The following E2F1 variants were observed in gnomAD, a reference collection of about 807,000 sequenced individuals.
E2F1 encodes E2F transcription factor 1.
A neutral mutation model predicts 36.9 loss-of-function variants in E2F1; 7 were observed. The observed-to-expected ratio is 0.19, with a 90% CI of 0.11 to 0.36. The LOEUF (loss-of-function observed/expected upper bound fraction) is 0.36. Among genes scored for constraint, E2F1 ranks in the 10% least tolerant of loss-of-function variants. E2F1 has a pLI of 1.00. For synonymous variants in E2F1, 261 were observed against 263.1 expected, an observed-to-expected ratio of 0.99 and a Z score of 0.08; for missense variants, 406 against 573.6, an observed-to-expected ratio of 0.71 and a Z score of 2.99.
At position 33,676,815 on chromosome 20, in the gene E2F1, AGTC is replaced by A; in HGVS notation, c.1228_1230del (p.Asp410del). ...TCGCCCTCCTCGAGGCCGAAGTGGT[AGTC>A]GAGGGCCTCGTGGGGTGGGGAAAGG... is the stretch of plus-strand genomic sequence containing the variant. On this transcript the variant is annotated inframe_deletion, in exon 7 of 7. Coordinates refer to ENST00000343380, the MANE Select transcript of E2F1 (RefSeq NM_005225.3). 1.2e-6 allele frequency: 2 copies of A among 1,600,424 alleles called. No individual in the cohort carries two copies. The highest frequency in any genetic ancestry group is 1.7e-6 in the Non-Finnish European group (2 of 1,172,990).
Position 33,686,284 on chromosome 20 carries a change from G to T in E2F1, c.-20C>A, listed in dbSNP as rs984840553. On this transcript the variant is annotated 5_prime_UTR_variant, in exon 1 of 7. Coordinates refer to ENST00000343380, the MANE Select transcript of E2F1 (RefSeq NM_005225.3). ...GGCCATGACGCTCACGGCCCGCGCG[G>T]CCCGGGTGACAGGCGGCGGCGGCGG... 4.0e-6 allele frequency: 4 copies of T among 1,001,462 alleles called. No homozygotes were observed. In the African/African-American group the frequency reaches 7.0e-5, roughly 17 times the overall value. The allele number at this position is 1,001,462 out of a possible 1,614,324, so 62.0% of individuals were successfully genotyped here.
Position 33,677,408 on chromosome 20 carries a change from G to A in E2F1, c.840+18C>T, listed in dbSNP as rs371744736. 9.2e-5 allele frequency: 149 copies of A among 1,612,964 alleles called. No homozygotes were observed. Among genetic ancestry groups the A allele is most frequent in the South Asian group, 7.6e-4 (69 of 90,958 alleles). On this transcript the variant is annotated intron_variant, in intron 5 of 6. Transcript: ENST00000343380. ...AGCCCAGCCCAGCCCAGTTGGGCCC[G>A]GAGTTCCCAGATCTCACCTCCGAAG...
At chr20:33,677,374 C>T (rs374753083) in intron 5 of E2F1, 44 bp from the exon 6 acceptor site, 306 of 1,609,980 alleles carry the variant, frequency 1.9e-4, no homozygotes, top group Non-Finnish European at 2.6e-4. Flanking sequence ...CCCAGGTGAC[C>T]ACCAGCCCAG....
At position 33,676,453 on chromosome 20, in the gene E2F1, G is replaced by T. The variant is rs149816386; in HGVS notation, c.*279C>A. On this transcript the variant is annotated 3_prime_UTR_variant, in exon 7 of 7. Coordinates refer to ENST00000343380, the MANE Select transcript of E2F1 (RefSeq NM_005225.3). Reference sequence around the variant, plus strand: ...AGGTGTATGTTCACCTTCATTCCCCGGTACATGCACACACACATGCTCACA... The same window carrying T: ...AGGTGTATGTTCACCTTCATTCCCCTGTACATGCACACACACATGCTCACA... 2.5e-6 allele frequency: 1 copy of T among 393,548 alleles called. No homozygotes were observed. The highest frequency in any genetic ancestry group is 4.2e-5 in the Admixed American group (1 of 23,556). The allele number at this position is 393,548 out of a possible 1,614,324, so 24.4% of individuals were successfully genotyped here. A position where few individuals can be genotyped will look rare whatever the true frequency, so the allele number is the denominator to read the frequency against.
chr20:33,684,790 G>C (rs1292718139), intron 1 of E2F1, among the ~76,000 whole-genome samples: 1 of 152,036 alleles, frequency 6.6e-6, no homozygotes, highest in Non-Finnish European at 1.5e-5. Context: ...GATGCCTCAG[G>C]GACCAGCTGC....
At position 33,675,712 on chromosome 20, in the gene E2F1, A is replaced by G. The variant is rs1247387880; in HGVS notation, c.*1020T>C. The G allele has an allele frequency of 6.2e-6, 1 of 161,094 alleles. No homozygotes were observed. Among genetic ancestry groups the G allele is most frequent in the East Asian group, 1.7e-4 (1 of 6,046 alleles). The allele number at this position is 161,094 out of a possible 1,614,324, so 10.0% of individuals were successfully genotyped here. A position where few individuals can be genotyped will look rare whatever the true frequency, so the allele number is the denominator to read the frequency against. ...TCATCAAAATATTTATTAAAACCAA[A>G]GCAGGAGGGAACAGAGCTGTTAGGA... On this transcript the variant is annotated 3_prime_UTR_variant, in exon 7 of 7. Transcript: ENST00000343380.
chr20:33,684,780 G>T (rs1220982470), intron 1 of E2F1, among the ~76,000 whole-genome samples: 1 of 152,106 alleles, frequency 6.6e-6, no homozygotes, highest in Non-Finnish European at 1.5e-5. Context: ...GCCTCCTCAG[G>T]ATGCCTCAGG....
Position 33,676,744 on chromosome 20 carries a change from G to A in E2F1, c.1302C>T (p.Pro434=), listed in dbSNP as rs368965201. The part of the protein sequence containing the change: ...LFDCDFGDLT[P]LDF ...CCTCCAAGCCCTGTCAGAAATCCAG[G>A]GGGGTGAGGTCCCCAAAGTCACAGT... The change falls in exon 7 of 7, where the codon CCC becomes CCT. Residue 434 remains proline (P), a synonymous_variant. Coordinates refer to ENST00000343380, the MANE Select transcript of E2F1 (RefSeq NM_005225.3). The A allele has an allele frequency of 6.8e-6, 11 of 1,608,998 alleles. No homozygotes were observed. Among genetic ancestry groups the A allele is most frequent in the Non-Finnish European group, 8.5e-6 (10 of 1,177,752 alleles).
chr20:33,679,922 G>A lies in E2F1; in HGVS notation c.405C>T (p.Thr135=), dbSNP rs753403393. 6.2e-6 allele frequency: 10 copies of A among 1,614,258 alleles called. No individual in the cohort carries two copies. Among genetic ancestry groups the A allele is most frequent in the Non-Finnish European group, 8.5e-6 (10 of 1,180,042 alleles). ...KSRYETSLNL[T]TKRFLELLSH... ...TCAGCAGCTCCAGGAAGCGCTTGGT[G>A]GTCAGATTCAGTGAGGTCTCATAGC... is the stretch of plus-strand genomic sequence containing the variant. The change falls in exon 3 of 7, where the codon ACC becomes ACT. Residue 135 remains threonine, a synonymous_variant. Transcript: ENST00000343380. This position sits in a 1 kb window ranked among gnomAD's most constrained non-coding sequence, Gnocchi z 4.6.
At chr20:33,678,406 C>T (rs987188011) in intron 3 of E2F1, 53 bp from the exon 4 acceptor site, 18 of 1,600,314 alleles carry the variant, frequency 1.1e-5, no homozygotes, top group Non-Finnish European at 1.3e-5. Flanking sequence ...CCCCTCTGGC[C>T]AGGAGCCCTG....
intron 1 of E2F1, 140 bp downstream of exon 1, chr20:33,685,864 G>A (rs974084108): frequency 1.2e-6 from 1 of 841,654 alleles, no homozygotes; most frequent in Admixed American, 5.6e-5. Flanking sequence ...GCCCAACCCC[G>A]GCTCTGCACC....
Position 33,677,255 on chromosome 20 carries a change from T to C in E2F1, c.916A>G (p.Ile306Val). The change falls in exon 6 of 7, where the codon ATC becomes GTC. Residue 306 changes from isoleucine to valine, a missense_variant. Physicochemically the swap from Ile to Val is conservative, Grantham distance 29. Around this residue, in one of 5 missense-constraint regions of E2F1, gnomAD observed 163 missense variants for 181.5 expected, o/e 0.90. Coordinates refer to ENST00000343380, the MANE Select transcript of E2F1 (RefSeq NM_005225.3). ...TGGGATGGGGTCTTCCCAGGGCTGA[T>C]CCCACCTACGGTCTCCTCAGGGCAC... Reference protein sequence around the residue: ...FLCPEETVGGISPGKTPSQEV... With the variant: ...FLCPEETVGGVSPGKTPSQEV... 1 of 1,614,082 alleles carries C rather than the reference T, an allele frequency of 6.2e-7. No individual in the cohort carries two copies. The highest frequency in any genetic ancestry group is 8.5e-7 in the Non-Finnish European group (1 of 1,179,990).
chr20:33,683,761 G>C (rs1321488768), intron 1 of E2F1, among the ~76,000 whole-genome samples: 2 of 151,772 alleles, frequency 1.3e-5, no homozygotes, highest in Non-Finnish European at 2.9e-5. Context: ...AACAGAATGA[G>C]ACCCTGTCTC....
intron 1 of E2F1, among the ~76,000 whole-genome samples, chr20:33,680,833 A>G (rs2018010550): frequency 1.3e-5 from 2 of 152,152 alleles, no homozygotes; most frequent in South Asian, 2.1e-4. Flanking sequence ...TTACTCTGCC[A>G]TATCATATGG....
chr20:33,678,429 G>A lies in E2F1; in HGVS notation c.573-76C>T, dbSNP rs2017986375. 5 of 1,560,776 alleles carry A rather than the reference G, an allele frequency of 3.2e-6. No individual in the cohort carries two copies. In the African/African-American group the frequency reaches 5.4e-5, roughly 17 times the overall value. On this transcript the variant is annotated intron_variant, in intron 3 of 6. Transcript: ENST00000343380. ...GCCAGGAGCCCTGGGCCTCAGGACA[G>A]AGTCTGCTGTTGCCTCTGTTCTGTG...
Position 33,679,784 on chromosome 20 carries a change from G to A in E2F1, c.543C>T (p.Ala181=). 1 of 1,613,894 alleles carries A rather than the reference G, an allele frequency of 6.2e-7. No homozygotes were observed. The highest frequency in any genetic ancestry group is 2.2e-5 in the East Asian group (1 of 44,886). ...TNVLEGIQLI[A]KKSKNHIQWL... is the part of the protein sequence containing the mutation. ...ACTGGATGTGGTTCTTGGACTTCTT[G>A]GCAATGAGCTGGATGCCCTCAAGGA... The change falls in exon 3 of 7, where the codon GCC becomes GCT. Residue 181 remains alanine (A), a synonymous_variant. Coordinates refer to ENST00000343380, the MANE Select transcript of E2F1 (RefSeq NM_005225.3). This position sits in a 1 kb window ranked among gnomAD's most constrained non-coding sequence, Gnocchi z 4.6.
Position 33,676,626 on chromosome 20 carries a change from A to T in E2F1, c.*106T>A, listed in dbSNP as rs1309387683. ...TCTGGAGACAGAGGAGAGGGGTATAAATTAAATGTTTCCAAACAGGCTGGG... is the reference window on the plus strand; with the variant it reads ...TCTGGAGACAGAGGAGAGGGGTATATATTAAATGTTTCCAAACAGGCTGGG... On this transcript the variant is annotated 3_prime_UTR_variant, in exon 7 of 7. Coordinates refer to ENST00000343380, the MANE Select transcript of E2F1 (RefSeq NM_005225.3). 2 of 1,454,374 alleles carry T rather than the reference A, an allele frequency of 1.4e-6. No homozygotes were observed. The highest frequency in any genetic ancestry group is 1.8e-6 in the Non-Finnish European group (2 of 1,094,320). The allele number at this position is 1,454,374 out of a possible 1,614,324, so 90.1% of individuals were successfully genotyped here. A position where few individuals can be genotyped will look rare whatever the true frequency, so the allele number is the denominator to read the frequency against.
chr20:33,680,384 A>G lies in E2F1; in HGVS notation c.294T>C (p.His98=). The part of the protein sequence containing the change: ...VKRRLDLETD[H]QYLAESSGPA... ...GCCCACTGCTCTCGGCCAGGTACTG[A>G]TGGTCAGTTTCCAGGTCCAGCCTCC... is the stretch of plus-strand genomic sequence containing the variant. Residue 98 remains histidine (H), a synonymous_variant, in exon 2 of 7, where the codon CAT becomes CAC. Coordinates refer to ENST00000343380, the MANE Select transcript of E2F1 (RefSeq NM_005225.3). 1 of 1,614,090 alleles carries G rather than the reference A, an allele frequency of 6.2e-7. No homozygotes were observed. The highest frequency in any genetic ancestry group is 1.1e-5 in the South Asian group (1 of 91,050).
rs748745421 is a variant in E2F1 at position 33,679,057 on chromosome 20, C to T, written c.572+698G>A. Among the ~76,000 whole-genome samples the T allele has an allele frequency of 1.1e-4, 17 of 152,238 alleles. No homozygotes were observed. The highest frequency in any genetic ancestry group is 2.1e-4 in the Non-Finnish European group (14 of 68,026). Reference sequence around the variant, plus strand: ...AGTAGCATGATGACTGGCGCGAAGGCGAGAGGGGGAAAATAAAACAAGAAT... The same window carrying T: ...AGTAGCATGATGACTGGCGCGAAGGTGAGAGGGGGAAAATAAAACAAGAAT... On this transcript the variant is annotated intron_variant, in intron 3 of 6. Coordinates refer to ENST00000343380, the MANE Select transcript of E2F1 (RefSeq NM_005225.3). This position sits in a 1 kb window ranked among gnomAD's most constrained non-coding sequence, Gnocchi z 4.6.
Sources: gnomAD v4.1 joint callset for allele counts (sites outside exome capture counted in the v4.1 genomes callset) on GRCh38, gnomAD v4.1.1 for gene constraint, gnomAD v4.1.1 regional missense constraint, Gnocchi (gnomAD v3.1) non-coding constraint, MANE v1.5 for transcripts, NCBI Gene and HGNC (gene_info 2026-07-23, HGNC 2026-07-21) for gene names.